Variants in GRB10 observed in about 807,000 individuals in gnomAD.
The protein encoded by GRB10 is growth factor receptor bound protein 10, also known as growth factor receptor-bound protein 10.
Under a neutral mutation model 80.9 loss-of-function variants are expected in GRB10, and 20 were observed. The observed-to-expected ratio is 0.25, with a 90% CI of 0.17 to 0.36. The LOEUF (loss-of-function observed/expected upper bound fraction) is 0.36. GRB10 is among the 10% of genes least tolerant of loss of function. GRB10 has a pLI of 1.00. For missense variants in GRB10, 548 were observed against 747.7 expected, an observed-to-expected ratio of 0.73 and a Z score of 3.12; for synonymous variants, 291 against 291.5, an observed-to-expected ratio of 1.00 and a Z score of 0.02.
intron 16 of GRB10, 98 bp from the exon 17 acceptor site, chr7:50,604,183 C>G (rs2048107627): frequency 7.7e-7 from 1 of 1,301,798 alleles, no homozygotes; most frequent in Non-Finnish European, 1.1e-6. Context: ...GAGCCCCTGA[C>G]TCCCCCAGCT....
intron 7 of GRB10, among the ~76,000 whole-genome samples, chr7:50,638,706 T>C (rs933716178): frequency 2.0e-5 from 3 of 152,100 alleles, no homozygotes; most frequent in Non-Finnish European, 2.9e-5. Flanking sequence ...GAAATAAAAA[T>C]AGAATTACCA....
intron 5 of GRB10, among the ~76,000 whole-genome samples, chr7:50,699,468 A>T (rs542242115): frequency 2.0e-4 from 30 of 152,248 alleles, no homozygotes; most frequent in Non-Finnish European, 3.5e-4. Context: ...GTTATGTATT[A>T]TAATGAGTGA....
At chr7:50,667,407 T>G (rs1363908045) in intron 7 of GRB10, among the ~76,000 whole-genome samples, 2 of 152,216 alleles carry the variant, frequency 1.3e-5, no homozygotes, top group Non-Finnish European at 2.9e-5. Flanking sequence ...GACCTTGGTC[T>G]CAGCATTACT....
At chr7:50,636,888 C>T (rs2055147779) in intron 7 of GRB10, among the ~76,000 whole-genome samples, 2 of 152,192 alleles carry the variant, frequency 1.3e-5, no homozygotes, top group Non-Finnish European at 2.9e-5. Context: ...CCAGAGCAAT[C>T]ATGCAAGAGA....
At chr7:50,724,191 G>A (rs2068216896) in intron 4 of GRB10, among the ~76,000 whole-genome samples, 1 of 152,110 alleles carries the variant, frequency 6.6e-6, no homozygotes, top group African/African-American at 2.4e-5. Context: ...AGCTGCCAAG[G>A]ACAGAAAAAC....
intron 4 of GRB10, chr7:50,710,766 G>C: frequency 1.6e-6 from 2 of 1,231,686 alleles, no homozygotes; most frequent in South Asian, 2.4e-5. Flanking sequence ...TCCTGAGGCA[G>C]AACGACCACT....
chr7:50,780,958 T>TA (rs1373665520), intron 1 of GRB10: 1 of 152,132 alleles, frequency 6.6e-6, no homozygotes, highest in Non-Finnish European at 1.5e-5. Context: ...GGGTGGTAAT[T>TA]ACATGATGGC....
rs766153328 is a variant in GRB10 at position 50,591,455 on chromosome 7, T to C, written c.*1497A>G. The C allele has an allele frequency of 1.3e-5, 2 of 152,220 alleles. No homozygotes were observed. The highest frequency in any genetic ancestry group is 1.9e-4 in the East Asian group (1 of 5,186). 9.4% of individuals were successfully genotyped at this position (152,220 alleles called of 1,614,324 possible). A position where few individuals can be genotyped will look rare whatever the true frequency, so the allele number is the denominator to read the frequency against. On this transcript the variant is annotated 3_prime_UTR_variant, in exon 19 of 19. Transcript: ENST00000401949. ...ATTAATAGAAGCCAGGCAGGTGTTGTCTTGAAAAAGGAAATCATTCTGCTC... is the reference window on the plus strand; with the variant it reads ...ATTAATAGAAGCCAGGCAGGTGTTGCCTTGAAAAAGGAAATCATTCTGCTC...
At chr7:50,635,318 A>T (rs886336208) in intron 7 of GRB10, among the ~76,000 whole-genome samples, 1 of 152,130 alleles carries the variant, frequency 6.6e-6, no homozygotes, top group Admixed American at 6.5e-5. Context: ...AGAAAAAGAA[A>T]TTTTTTTAAT....
In GRB10 at chr7:50,665,696, G is replaced by A. The variant is rs535747380; in HGVS notation, c.504+4026C>T. ...CCGACCCTGCACTGCTTCTGTAGAAGCACCTGGGCAGGACCCCAGACCCAG... is the reference window on the plus strand; with the variant it reads ...CCGACCCTGCACTGCTTCTGTAGAAACACCTGGGCAGGACCCCAGACCCAG... On this transcript the variant is annotated intron_variant, in intron 7 of 18. Coordinates refer to ENST00000401949, the MANE Select transcript of GRB10 (RefSeq NM_001350814.2). Among the ~76,000 whole-genome samples, 34 of 152,340 alleles carry A rather than the reference G, an allele frequency of 2.2e-4. 1 individual carries two copies. The highest frequency in any genetic ancestry group is 1.2e-3 in the Admixed American group (18 of 15,308).
At chr7:50,658,053 A>C (rs939044933) in intron 7 of GRB10, among the ~76,000 whole-genome samples, 7 of 152,236 alleles carry the variant, frequency 4.6e-5, no homozygotes. Context: ...CTTGGGTCTC[A>C]ACCAAGACCC....
intron 4 of GRB10, among the ~76,000 whole-genome samples, chr7:50,714,291 T>G (rs976058843): frequency 6.6e-6 from 1 of 152,198 alleles, no homozygotes; most frequent in African/African-American, 2.4e-5. Context: ...CTTAATAATT[T>G]TGACAACACA....
In GRB10 at chr7:50,610,155, G is replaced by A. The variant is rs143690790; in HGVS notation, c.1194+2586C>T. Among the ~76,000 whole-genome samples, 70 of 152,276 alleles carry A rather than the reference G, an allele frequency of 4.6e-4. No homozygotes were observed. In the East Asian group the frequency reaches 7.9e-3, roughly 17 times the overall value. On this transcript the variant is annotated intron_variant, in intron 13 of 18. Transcript: ENST00000401949. ...CTGGAGGAAGGCAGAGCACACACACGGGATGCCTTGTTTTAGAATGAATGT... is the reference window on the plus strand; with the variant it reads ...CTGGAGGAAGGCAGAGCACACACACAGGATGCCTTGTTTTAGAATGAATGT...
rs1368764428 is a variant in GRB10, at chr7:50,591,859, C to T, written c.*1093G>A. 6.6e-6 allele frequency: 1 copy of T among 152,208 alleles called. No homozygotes were observed. Among genetic ancestry groups the T allele is most frequent in the African/African-American group, 2.4e-5 (1 of 41,434 alleles). 9.4% of individuals were successfully genotyped at this position (152,208 alleles called of 1,614,324 possible). A position where few individuals can be genotyped will look rare whatever the true frequency, so the allele number is the denominator to read the frequency against. On this transcript the variant is annotated 3_prime_UTR_variant, in exon 19 of 19. Transcript: ENST00000401949. ...TGTGGCCCCTGCAGCGTTTCCTTGT[C>T]TTTATCACTATGGAAACCCATGAGA... is the stretch of plus-strand genomic sequence containing the variant.
At chr7:50,666,599 T>C (rs1366019101) in intron 7 of GRB10, among the ~76,000 whole-genome samples, 1 of 152,086 alleles carries the variant, frequency 6.6e-6, no homozygotes, top group Non-Finnish European at 1.5e-5. Flanking sequence ...TCCCACCCTG[T>C]CCCAGCACGC....
At chr7:50,710,236 C>G (rs904606294) in intron 4 of GRB10, among the ~76,000 whole-genome samples, 11 of 152,154 alleles carry the variant, frequency 7.2e-5, no homozygotes, top group African/African-American at 2.7e-4. Flanking sequence ...TCCTCACAAC[C>G]CCAGCACATG....
chr7:50,755,618 A>G (rs2074957484), intron 3 of GRB10, among the ~76,000 whole-genome samples: 1 of 151,988 alleles, frequency 6.6e-6, no homozygotes, highest in Non-Finnish European at 1.5e-5. Flanking sequence ...GTCCGCGAGG[A>G]GAGTGTGCGC....
intron 4 of GRB10, among the ~76,000 whole-genome samples, chr7:50,711,494 G>A (rs2065895616): frequency 6.6e-6 from 1 of 152,218 alleles, no homozygotes; most frequent in Admixed American, 6.5e-5. Context: ...CTGCAACAGG[G>A]ATGGGGTTTG....
intron 5 of GRB10, among the ~76,000 whole-genome samples, chr7:50,692,907 C>T (rs1192052303): frequency 2.0e-5 from 3 of 152,180 alleles, no homozygotes; most frequent in African/African-American, 7.2e-5. Context: ...TGAGTTAACA[C>T]CTGTCTGTGA....
Sources: gnomAD v4.1 joint callset for allele counts (sites outside exome capture counted in the v4.1 genomes callset) on GRCh38, gnomAD v4.1.1 for gene constraint, MANE v1.5 for transcripts, NCBI Gene and HGNC (gene_info 2026-07-23, HGNC 2026-07-21) for gene names.